Variants in NLRC4 observed in about 807,000 individuals in gnomAD.
The protein encoded by NLRC4 is NLR family CARD domain containing 4, also known as NLR family CARD domain-containing protein 4.
Under a neutral mutation model 79.9 loss-of-function variants are expected in NLRC4, and 63 were observed. The ratio of observed to expected loss-of-function variants is 0.79; its 90% CI spans 0.64 to 0.97. The LOEUF (loss-of-function observed/expected upper bound fraction) is 0.97, where lower values mean the gene tolerates loss of function less well. NLRC4 is among the 50% of genes least tolerant of loss of function. The probability of loss-of-function intolerance (pLI) is 0.00; values close to 1 mark genes in which losing one functional copy is unlikely to be tolerated. For synonymous variants in NLRC4, 461 were observed against 456.5 expected, an observed-to-expected ratio of 1.01 and a Z score of -0.12; for missense variants, 1,074 against 1,215.2, an observed-to-expected ratio of 0.88 and a Z score of 1.73.
intron 1 of NLRC4, among the ~76,000 whole-genome samples, chr2:32,263,895 C>T (rs1042888123): frequency 1.3e-5 from 2 of 152,186 alleles, no homozygotes; most frequent in African/African-American, 4.8e-5. Context: ...TGATGTAGGG[C>T]AGGACATTTA....
At chr2:32,261,329 T>TTTTTTTTTTTTTTTTTTTTTTTTTTTG (rs1230263597) in intron 1 of NLRC4, among the ~76,000 whole-genome samples, 1 of 119,206 alleles carries the variant, frequency 8.4e-6, no homozygotes, top group African/African-American at 3.2e-5. Context: ...TTGTTTTTTT[T>TTTTTTTTTTTTTTTTTTTTTTTTTTTG]TGAGATGGAG....
At chr2:32,252,284 C>T (rs1687095284) in intron 3 of NLRC4, 135 bp downstream of exon 3, 1 of 681,370 alleles carries the variant, frequency 1.5e-6, no homozygotes, top group East Asian at 2.5e-5. Context: ...CTAAGCTTTT[C>T]CTTAGCAGGT....
intron 5 of NLRC4, 133 bp downstream of exon 5, chr2:32,240,899 TG>T: frequency 1.7e-6 from 1 of 603,654 alleles, no homozygotes; most frequent in Non-Finnish European, 2.9e-6. Flanking sequence ...GGAAAATGTC[TG>T]GGGAAACCAA....
chr2:32,225,736 A>G (rs1447085622), intron 8 of NLRC4, among the ~76,000 whole-genome samples: 2 of 152,074 alleles, frequency 1.3e-5, no homozygotes, highest in Non-Finnish European at 2.9e-5. Flanking sequence ...GGACATGGGA[A>G]CTCTTACTTA....
chr2:32,232,946 A>T (rs1686572561), intron 8 of NLRC4, among the ~76,000 whole-genome samples: 1 of 151,988 alleles, frequency 6.6e-6, no homozygotes, highest in Admixed American at 6.6e-5. Context: ...GTGGAAGGGA[A>T]GGTCGTTGAA....
At chr2:32,225,400 A>G (rs1386726665) in intron 8 of NLRC4, among the ~76,000 whole-genome samples, 1 of 123,300 alleles carries the variant, frequency 8.1e-6, no homozygotes, top group East Asian at 2.2e-4. Flanking sequence ...ACACACATAC[A>G]TACAAAGGAT....
rs1687430871 is a variant in NLRC4 at position 32,264,816 on chromosome 2, C to G, written c.-197G>C. 1.3e-5 allele frequency: 2 copies of G among 152,158 alleles called. No homozygotes were observed. The highest frequency in any genetic ancestry group is 4.1e-4 in the South Asian group (2 of 4,830). The allele number at this position is 152,158 out of a possible 1,614,324, so 9.4% of individuals were successfully genotyped here. A position where few individuals can be genotyped will look rare whatever the true frequency, so the allele number is the denominator to read the frequency against. ...AATAAAGTTTCTTTGTATTTGCTTT[C>G]CGTTTCAGTGAGGCCTCGAGTTCTT... On this transcript the variant is annotated 5_prime_UTR_variant, in exon 1 of 9. Transcript: ENST00000402280.
At chr2:32,245,310 C>CAAAAAA (rs58301612) in intron 4 of NLRC4, among the ~76,000 whole-genome samples, 18 of 77,946 alleles carry the variant, frequency 2.3e-4, no homozygotes, top group African/African-American at 7.4e-4. Flanking sequence ...GACTCCTTCT[C>CAAAAAA]AAAAAAAAAA....
intron 8 of NLRC4, among the ~76,000 whole-genome samples, chr2:32,227,630 C>T (rs1686434250): frequency 6.6e-6 from 1 of 152,144 alleles, no homozygotes; most frequent in South Asian, 2.1e-4. Context: ...CCATTCCACC[C>T]TCACAGGGTG....
intron 1 of NLRC4, among the ~76,000 whole-genome samples, chr2:32,263,030 A>G (rs2148950015): frequency 6.6e-6 from 1 of 152,178 alleles, no homozygotes; most frequent in South Asian, 2.1e-4. Context: ...AATAATATTT[A>G]GTACTAATTC....
At chr2:32,264,523 G>C (rs926475550) in intron 1 of NLRC4, among the ~76,000 whole-genome samples, 1 of 151,512 alleles carries the variant, frequency 6.6e-6, no homozygotes, top group Non-Finnish European at 1.5e-5. Flanking sequence ...AGTCCAAGGG[G>C]TACATGTACC....
At chr2:32,264,305 G>A (rs1687418073) in intron 1 of NLRC4, among the ~76,000 whole-genome samples, 1 of 151,746 alleles carries the variant, frequency 6.6e-6, no homozygotes, top group Non-Finnish European at 1.5e-5. Context: ...GCGGTGCCGG[G>A]TGCCTGTAAT....
At chr2:32,258,636 C>A (rs1395895107) in intron 1 of NLRC4, among the ~76,000 whole-genome samples, 1 of 152,174 alleles carries the variant, frequency 6.6e-6, no homozygotes, top group African/African-American at 2.4e-5. Flanking sequence ...GGCATTTGTT[C>A]TTTATCCTAT....
rs34716166 is a variant in NLRC4 at position 32,235,443 on chromosome 2, A to G, written c.2740T>C (p.Leu914=). Residue 914 remains leucine, a synonymous_variant, in exon 8 of 9, where the codon TTG becomes CTG. Transcript: ENST00000402280. ...GTATCTGTGAGTCTCCAGTTTTTCA[A>G]CCCAAGCTTGACGAGTTGTGGGACC... The part of the protein sequence containing the change: ...EEVPQLVKLG[L]KNWRLTDTEI... The G allele has an allele frequency of 1.5e-3, 2,489 of 1,614,130 alleles. 9 individuals carry two copies. The highest frequency in any genetic ancestry group is 0.011 in the Middle Eastern group (64 of 6,062).
At position 32,245,373 on chromosome 2, in the gene NLRC4, G is replaced by A. The variant is rs1001352031; in HGVS notation, c.2257+4234C>T. ...TCATTATGGTAAGTGAAATAAGCCAGGCACAGAAAGACAGACATCACGTGT... is the reference window on the plus strand; with the variant it reads ...TCATTATGGTAAGTGAAATAAGCCAAGCACAGAAAGACAGACATCACGTGT... On this transcript the variant is annotated intron_variant, in intron 4 of 8. Coordinates refer to ENST00000402280, the MANE Select transcript of NLRC4 (RefSeq NM_001199138.2). Among the ~76,000 whole-genome samples, 10 of 150,296 alleles carry A rather than the reference G, an allele frequency of 6.7e-5. No individual in the cohort carries two copies. In the Middle Eastern group the frequency reaches 0.01, roughly 158 times the overall value.
At chr2:32,252,220 T>C (rs778259568) in intron 3 of NLRC4, among the ~76,000 whole-genome samples, 199 bp downstream of exon 3, 12 of 152,230 alleles carry the variant, frequency 7.9e-5, no homozygotes, top group African/African-American at 1.2e-4. Context: ...GCCTTGGGGT[T>C]ATTTGTTTGG....
Position 32,252,660 on chromosome 2 carries a change from A to G in NLRC4, c.21T>C (p.Asn7=), listed in dbSNP as rs145129525. The change falls in exon 3 of 9, where the codon AAT becomes AAC. Residue 7 remains asparagine (N), a synonymous_variant. Transcript: ENST00000402280. MNFIKD[N]SRALIQRMGM... ...CCATTCTTTGAATAAGGGCTCGGCT[A>G]TTGTCCTTTATGAAATTCACTGAGG... 4.3e-5 allele frequency: 69 copies of G among 1,612,850 alleles called. No individual in the cohort carries two copies. Among genetic ancestry groups the G allele is most frequent in the Non-Finnish European group, 5.4e-5 (64 of 1,178,968 alleles).
In NLRC4 at chr2:32,242,747, G is replaced by A. The variant is rs145257170; in HGVS notation, c.2258-1622C>T. Reference sequence around the variant, plus strand: ...CTTGATATGAAAACCAGAAAAAGACGTAGAAGAAAAACTTTTAGGCCAGGC... The same window carrying A: ...CTTGATATGAAAACCAGAAAAAGACATAGAAGAAAAACTTTTAGGCCAGGC... On this transcript the variant is annotated intron_variant, in intron 4 of 8. Transcript: ENST00000402280. 4.6e-5 allele frequency among the ~76,000 whole-genome samples: 7 copies of A among 152,224 alleles called. No homozygotes were observed. In the East Asian group the frequency reaches 9.6e-4, roughly 21 times the overall value.
chr2:32,226,404 G>T (rs192953992), intron 8 of NLRC4, among the ~76,000 whole-genome samples: 1 of 152,272 alleles, frequency 6.6e-6, no homozygotes, highest in Admixed American at 6.5e-5. Flanking sequence ...AGGTCTTCAG[G>T]TTCTTCTTTA....
Sources: allele counts gnomAD v4.1 joint callset (sites outside exome capture counted in the v4.1 genomes callset), GRCh38; gene constraint gnomAD v4.1.1; transcripts MANE v1.5; gene names NCBI Gene and HGNC (gene_info 2026-07-23, HGNC 2026-07-21).